APMAP: variants seen among roughly 807,000 people sequenced by gnomAD.
APMAP encodes the protein adipocyte plasma membrane associated protein.
A neutral mutation model predicts 43.6 loss-of-function variants in APMAP; 33 were observed. The observed-to-expected ratio is 0.76, with a 90% CI of 0.57 to 1.01. The LOEUF is 1.01. Ranked by LOEUF, APMAP falls within the 50% of genes least tolerant of loss-of-function variation. APMAP has a pLI of 0.00. For missense variants in APMAP, 498 were observed against 540.7 expected, an observed-to-expected ratio of 0.92 and a Z score of 0.78; for synonymous variants, 224 against 216.7, an observed-to-expected ratio of 1.03 and a Z score of -0.30.
intron 4 of APMAP, among the ~76,000 whole-genome samples, chr20:24,972,335 G>A (rs2088011616): frequency 6.8e-6 from 1 of 148,124 alleles, no homozygotes; most frequent in Admixed American, 6.7e-5. Flanking sequence ...GATGTTCACT[G>A]TGGGGTGCTC....
At position 24,973,670 on chromosome 20, in the gene APMAP, A is replaced by T. The variant is rs1165051794; in HGVS notation, c.396T>A (p.Ile132=). The change falls in exon 4 of 9, where the codon ATT becomes ATA. Residue 132 remains isoleucine, a synonymous_variant. Coordinates refer to ENST00000217456, the MANE Select transcript of APMAP (RefSeq NM_020531.3). The part of the protein sequence containing the change: ...VKLENGEIET[I]ARFGSGPCKT... ...TGCAAGGGCCCGAACCAAACCGGGC[A>T]ATGGTCTCTATTTCACCATTTTCAA... 1 of 1,614,042 alleles carries T rather than the reference A, an allele frequency of 6.2e-7. No homozygotes were observed. The highest frequency in any genetic ancestry group is 8.5e-7 in the Non-Finnish European group (1 of 1,179,978).
At chr20:24,977,687 A>T (rs1440281689) in intron 3 of APMAP, among the ~76,000 whole-genome samples, 1 of 152,226 alleles carries the variant, frequency 6.6e-6, no homozygotes, top group African/African-American at 2.4e-5. Context: ...AGAAAAAGAC[A>T]GGAAAGTGCT....
intron 1 of APMAP, among the ~76,000 whole-genome samples, chr20:24,992,090 C>G (rs143257660): frequency 6.6e-6 from 1 of 152,320 alleles, no homozygotes; most frequent in Non-Finnish European, 1.5e-5. Context: ...AGTGTAGAAG[C>G]CATCTCTTCG....
At chr20:24,979,526 C>T (rs1177625041) in intron 2 of APMAP, among the ~76,000 whole-genome samples, 4 of 152,144 alleles carry the variant, frequency 2.6e-5, no homozygotes, top group African/African-American at 7.2e-5. Flanking sequence ...CAGTATGTCA[C>T]GCCTCCCAAC....
intron 2 of APMAP, among the ~76,000 whole-genome samples, chr20:24,980,859 C>T (rs929919325): frequency 1.3e-5 from 2 of 151,502 alleles, no homozygotes; most frequent in Non-Finnish European, 1.5e-5. Flanking sequence ...CAGCTTCGCT[C>T]GGCCTCCATC....
intron 5 of APMAP, 50 bp from the exon 6 acceptor site, chr20:24,970,421 A>G (rs372499208): frequency 2.4e-5 from 36 of 1,529,066 alleles, no homozygotes; most frequent in South Asian, 1.2e-5. Context: ...GGAACTTCTC[A>G]ATAATTGCAA....
chr20:24,981,452 A>G (rs1225797168), intron 2 of APMAP, among the ~76,000 whole-genome samples: 1 of 152,206 alleles, frequency 6.6e-6, no homozygotes, highest in Non-Finnish European at 1.5e-5. Context: ...TCTGAGAACC[A>G]GCTCTCTGAG....
chr20:24,991,617 C>A (rs2088193061), intron 1 of APMAP, among the ~76,000 whole-genome samples: 1 of 152,084 alleles, frequency 6.6e-6, no homozygotes, highest in South Asian at 2.1e-4. Context: ...GCCTCTCATT[C>A]ATATGTACCC....
Position 24,966,162 on chromosome 20 carries a change from G to A in APMAP, c.1042-2140C>T, listed in dbSNP as rs111706152. On this transcript the variant is annotated intron_variant, in intron 8 of 8. Transcript: ENST00000217456. ...AGCTGAAGCAGGGACAATACAAGAG[G>A]AAACTGGAACGACTTATGTGCTGGA... Among the ~76,000 whole-genome samples the A allele has an allele frequency of 1.7e-4, 26 of 152,338 alleles. 1 individual carries two copies. Among genetic ancestry groups the A allele is most frequent in the African/African-American group, 6.0e-4 (25 of 41,570 alleles).
intron 8 of APMAP, chr20:24,964,537 A>G: frequency 2.2e-6 from 1 of 458,468 alleles, no homozygotes; most frequent in South Asian, 1.6e-5. Context: ...CAAAACAAAA[A>G]GCAAAATCCC....
At chr20:24,979,108 T>C (rs961877808) in intron 2 of APMAP, among the ~76,000 whole-genome samples, 1 of 152,280 alleles carries the variant, frequency 6.6e-6, no homozygotes, top group South Asian at 2.1e-4. Flanking sequence ...CCTTCAGCAA[T>C]CTTGTCACCT....
chr20:24,983,040 CTATT>C (rs1232065199), intron 2 of APMAP, among the ~76,000 whole-genome samples: 2 of 152,234 alleles, frequency 1.3e-5, no homozygotes, highest in African/African-American at 4.8e-5. Flanking sequence ...TGTGCCTTTA[CTATT>C]CTAAATCCAA....
In APMAP at chr20:24,963,663, T is replaced by C; in HGVS notation, c.*150A>G. 2 of 818,284 alleles carry C rather than the reference T, an allele frequency of 2.4e-6. No individual in the cohort carries two copies. Among genetic ancestry groups the C allele is most frequent in the African/African-American group, 1.7e-5 (1 of 58,468 alleles). 50.7% of individuals were successfully genotyped at this position (818,284 alleles called of 1,614,324 possible). ...GTGGGGCCCGGGCATCCTCGAGGAATGAAGCAGCCATTCCCACCACCTCTC... is the reference window on the plus strand; with the variant it reads ...GTGGGGCCCGGGCATCCTCGAGGAACGAAGCAGCCATTCCCACCACCTCTC... On this transcript the variant is annotated 3_prime_UTR_variant, in exon 9 of 9. Coordinates refer to ENST00000217456, the MANE Select transcript of APMAP (RefSeq NM_020531.3).
At chr20:24,982,774 C>T (rs550002105) in intron 2 of APMAP, among the ~76,000 whole-genome samples, 1 of 152,174 alleles carries the variant, frequency 6.6e-6, no homozygotes, top group South Asian at 2.1e-4. Flanking sequence ...AATGAGCCAT[C>T]CTGCTCTGTA....
intron 8 of APMAP, among the ~76,000 whole-genome samples, chr20:24,965,464 G>A (rs985790358): frequency 6.6e-6 from 1 of 152,260 alleles, no homozygotes; most frequent in Non-Finnish European, 1.5e-5. Context: ...CATGTGTGCA[G>A]GGGATGGCAG....
chr20:24,992,018 CT>C (rs1393521477), intron 1 of APMAP, among the ~76,000 whole-genome samples: 1 of 152,218 alleles, frequency 6.6e-6, no homozygotes, highest in African/African-American at 2.4e-5. Flanking sequence ...GTTCTCCACT[CT>C]TTCCAAGAAC....
At position 24,992,617 on chromosome 20, in the gene APMAP, C is replaced by G. The variant is rs1355553609; in HGVS notation, c.72G>C (p.Gln24His). ...ACCTGCCGTCCTTAGCCTCCGGGGC[C>G]TGGCCATCATCGTCTGTGACGACCT... Reference protein sequence around the residue: ...RPQVVTDDDGQAPEAKDGSSF... With the variant: ...RPQVVTDDDGHAPEAKDGSSF... The change falls in exon 1 of 9, where the codon CAG becomes CAC. Residue 24 changes from glutamine to histidine, a missense_variant. Coordinates refer to ENST00000217456, the MANE Select transcript of APMAP (RefSeq NM_020531.3). The G allele has an allele frequency of 6.4e-7, 1 of 1,569,482 alleles. No homozygotes were observed. The highest frequency in any genetic ancestry group is 1.8e-5 in the Admixed American group (1 of 55,436).
At chr20:24,967,032 G>A (rs571354150) in intron 8 of APMAP, among the ~76,000 whole-genome samples, 90 of 152,282 alleles carry the variant, frequency 5.9e-4, no homozygotes, top group African/African-American at 2.1e-3. Flanking sequence ...GGTGGCTCAC[G>A]CTTGTAATCC....
rs760366249 is a variant in APMAP, at chr20:24,992,702, G to A, written c.-14C>T. 4.7e-6 allele frequency: 7 copies of A among 1,504,560 alleles called. No individual in the cohort carries two copies. Among genetic ancestry groups the A allele is most frequent in the Admixed American group, 4.1e-5 (2 of 48,814 alleles). The allele number at this position is 1,504,560 out of a possible 1,614,324, so 93.2% of individuals were successfully genotyped here. On this transcript the variant is annotated 5_prime_UTR_variant, in exon 1 of 9. Coordinates refer to ENST00000217456, the MANE Select transcript of APMAP (RefSeq NM_020531.3). ...CGCCTCGCTCATGGTACGGGCGCCAGCCTCACCCGCAGAAACCACCTCACA... is the reference window on the plus strand; with the variant it reads ...CGCCTCGCTCATGGTACGGGCGCCAACCTCACCCGCAGAAACCACCTCACA...
Sources: gnomAD v4.1 joint callset for allele counts (sites outside exome capture counted in the v4.1 genomes callset) on GRCh38, gnomAD v4.1.1 for gene constraint, MANE v1.5 for transcripts, NCBI Gene and HGNC (gene_info 2026-07-23, HGNC 2026-07-21) for gene names.